The following SLC15A5 variants were observed in gnomAD, a reference collection of about 807,000 sequenced individuals.
SLC15A5 encodes the protein solute carrier family 15 member 5, also known as Peptide/histidine transporter ENSP00000340402.
A neutral mutation model predicts 56.1 loss-of-function variants in SLC15A5; 58 were observed. That is an observed-to-expected ratio of 1.03 (90% CI 0.84 to 1.29). The LOEUF (loss-of-function observed/expected upper bound fraction) is 1.29, where lower values mean the gene tolerates loss of function less well. Among genes scored for constraint, SLC15A5 ranks in the 50% most tolerant of loss-of-function variants. The pLI is 0.00. For synonymous variants in SLC15A5, 264 were observed against 250.5 expected, an observed-to-expected ratio of 1.05 and a Z score of -0.51; for missense variants, 681 against 672.1, an observed-to-expected ratio of 1.01 and a Z score of -0.15.
intron 7 of SLC15A5, among the ~76,000 whole-genome samples, 190 bp from the exon 8 acceptor site, chr12:16,194,643 C>T (rs1863876786): frequency 6.6e-6 from 1 of 151,920 alleles, no homozygotes; most frequent in South Asian, 2.1e-4. Flanking sequence ...GCAAAGCACC[C>T]CAAATATTTT....
intron 2 of SLC15A5, among the ~76,000 whole-genome samples, chr12:16,261,443 T>G (rs947564816): frequency 1.8e-4 from 27 of 152,206 alleles, no homozygotes; most frequent in African/African-American, 6.0e-4. Context: ...CAAGTACTAT[T>G]CCATTATGTA....
At chr12:16,247,827 A>G (rs1282456116) in intron 3 of SLC15A5, among the ~76,000 whole-genome samples, 2 of 152,122 alleles carry the variant, frequency 1.3e-5, no homozygotes, top group Admixed American at 6.6e-5. Flanking sequence ...ATAGAAAACC[A>G]TTAAGAAGTT....
At chr12:16,258,990 C>CTTTTTTTTTTTTTTTTTT (rs35905307) in intron 2 of SLC15A5, among the ~76,000 whole-genome samples, 1 of 118,536 alleles carries the variant, frequency 8.4e-6, no homozygotes, top group Admixed American at 9.5e-5. Context: ...TCTTCTTTTT[C>CTTTTTTTTTTTTTTTTTT]TTTTTTTTTT....
Position 16,189,045 on chromosome 12 carries a change from A to T in SLC15A5, c.*623T>A, listed in dbSNP as rs1863815045. ...TTTAATTCCAATAATTCCATAACTTACATTTATTTTTCAACTTTTTTAGTA... is the reference window on the plus strand; with the variant it reads ...TTTAATTCCAATAATTCCATAACTTTCATTTATTTTTCAACTTTTTTAGTA... On this transcript the variant is annotated 3_prime_UTR_variant, in exon 9 of 9. Transcript: ENST00000344941. The T allele has an allele frequency of 6.6e-6, 1 of 152,044 alleles. No homozygotes were observed. Among genetic ancestry groups the T allele is most frequent in the African/African-American group, 2.4e-5 (1 of 41,406 alleles). The allele number at this position is 152,044 out of a possible 1,614,324, so 9.4% of individuals were successfully genotyped here. A position where few individuals can be genotyped will look rare whatever the true frequency, so the allele number is the denominator to read the frequency against.
At position 16,271,082 on chromosome 12, in the gene SLC15A5, T is replaced by C. The variant is rs1318010616; in HGVS notation, c.584+1479A>G. Among the ~76,000 whole-genome samples, 3 of 152,280 alleles carry C rather than the reference T, an allele frequency of 2.0e-5. No homozygotes were observed. The highest frequency in any genetic ancestry group is 1.5e-5 in the Non-Finnish European group (1 of 68,012). On this transcript the variant is annotated intron_variant, in intron 2 of 8. Transcript: ENST00000344941. This position sits in a 1 kb window ranked among gnomAD's most constrained non-coding sequence, Gnocchi z 8.0. ...AAATATGTTCATCCTAAATTTGGCC[T>C]GGTTCCTTACAGCTGCAGAAATTCA...
chr12:16,218,899 T>TTG (rs1864158322), intron 6 of SLC15A5, among the ~76,000 whole-genome samples: 1 of 152,172 alleles, frequency 6.6e-6, no homozygotes. Flanking sequence ...AAACTCTGCA[T>TTG]TTACCAGAAC....
intron 4 of SLC15A5, among the ~76,000 whole-genome samples, chr12:16,240,580 C>G (rs1381798970): frequency 2.0e-5 from 3 of 151,906 alleles, no homozygotes; most frequent in Non-Finnish European, 4.4e-5. Flanking sequence ...AAAAAAAAAC[C>G]CTGTGCTCCA....
chr12:16,250,839 C>T (rs1276864492), intron 3 of SLC15A5, among the ~76,000 whole-genome samples: 1 of 151,750 alleles, frequency 6.6e-6, no homozygotes, highest in East Asian at 1.9e-4. Flanking sequence ...TTGACCATGA[C>T]TCAAAATGTA....
intron 1 of SLC15A5, among the ~76,000 whole-genome samples, chr12:16,275,984 A>G (rs922266027): frequency 4.0e-5 from 6 of 151,516 alleles, no homozygotes; most frequent in African/African-American, 1.5e-4. Flanking sequence ...TTTCCATCCT[A>G]ACTCATTGCC....
chr12:16,191,763 C>T (rs552256248), intron 8 of SLC15A5, among the ~76,000 whole-genome samples: 1 of 152,202 alleles, frequency 6.6e-6, no homozygotes, highest in African/African-American at 2.4e-5. Context: ...ATCCCAATGG[C>T]CAATAGGTCC....
chr12:16,248,268 C>G (rs1476610674), intron 3 of SLC15A5, among the ~76,000 whole-genome samples: 1 of 151,852 alleles, frequency 6.6e-6, no homozygotes, highest in African/African-American at 2.4e-5. Context: ...GGAGAGAGGT[C>G]AATATAACAT....
In SLC15A5 at chr12:16,189,102, T is replaced by G. The variant is rs1863815584; in HGVS notation, c.*566A>C. Reference sequence around the variant, plus strand: ...CATTCTCTTTGTTAAGGACATCTATTTTAGTAATACTGCTTTTAAATTCAG... The same window carrying G: ...CATTCTCTTTGTTAAGGACATCTATGTTAGTAATACTGCTTTTAAATTCAG... On this transcript the variant is annotated 3_prime_UTR_variant, in exon 9 of 9. Transcript: ENST00000344941. The G allele has an allele frequency of 6.6e-6, 1 of 152,204 alleles. No individual in the cohort carries two copies. The highest frequency in any genetic ancestry group is 2.1e-4 in the South Asian group (1 of 4,836). The allele number at this position is 152,204 out of a possible 1,614,324, so 9.4% of individuals were successfully genotyped here.
chr12:16,204,299 A>G (rs1316098945), intron 7 of SLC15A5, among the ~76,000 whole-genome samples: 1 of 151,948 alleles, frequency 6.6e-6, no homozygotes, highest in Non-Finnish European at 1.5e-5. Flanking sequence ...CTACTAAAAA[A>G]TACAAAAATT....
Position 16,277,660 on chromosome 12 carries a change from G to T in SLC15A5, c.26C>A (p.Thr9Asn). The change falls in exon 1 of 9, where the codon ACT becomes AAT. Residue 9 changes from threonine to asparagine, a missense_variant. Physicochemically the swap from Thr to Asn is moderately conservative, Grantham distance 65 (BLOSUM62 0). Transcript: ENST00000344941. MSVTGFTI[T>N]DEKVHLYHSI... is the part of the protein sequence containing the mutation. ...GTGATATAAGTGTACTTTCTCATCA[G>T]TTATGGTAAAGCCTGTAACAGACAT... 1 of 1,535,100 alleles carries T rather than the reference G, an allele frequency of 6.5e-7. No individual in the cohort carries two copies. Among genetic ancestry groups the T allele is most frequent in the Non-Finnish European group, 8.7e-7 (1 of 1,145,474 alleles).
rs893825532 is a variant in SLC15A5, at chr12:16,237,271, A to C, written c.1162+2410T>G. On this transcript the variant is annotated intron_variant, in intron 5 of 8. Transcript: ENST00000344941. The surrounding 1 kb of genome is among the most constrained non-coding windows in gnomAD (Gnocchi z 4.1). ...CAGAATATGGAAAACTTAAGCAAAT[A>C]TCTAGTTTAAAAGACGCATATCATC... 6.6e-6 allele frequency among the ~76,000 whole-genome samples: 1 copy of C among 152,210 alleles called. No individual in the cohort carries two copies. Among genetic ancestry groups the C allele is most frequent in the Admixed American group, 6.5e-5 (1 of 15,284 alleles).
chr12:16,211,577 A>G (rs542368860), intron 7 of SLC15A5, among the ~76,000 whole-genome samples: 1 of 152,206 alleles, frequency 6.6e-6, no homozygotes, highest in South Asian at 2.1e-4. Flanking sequence ...TTTTTACTGA[A>G]TTCTGTTTTG....
intron 7 of SLC15A5, among the ~76,000 whole-genome samples, chr12:16,212,634 T>G (rs1024107426): frequency 1.4e-4 from 21 of 152,170 alleles, no homozygotes; most frequent in Admixed American, 3.3e-4. Context: ...AGGAGAGGAT[T>G]AATGTGTTGT....
At chr12:16,193,818 A>C (rs1457555176) in intron 8 of SLC15A5, among the ~76,000 whole-genome samples, 1 of 135,122 alleles carries the variant, frequency 7.4e-6, no homozygotes, top group Admixed American at 7.2e-5. Flanking sequence ...AGAGAGAGAG[A>C]GAGAGAGAGA....
chr12:16,192,470 GC>G (rs1863846512), intron 8 of SLC15A5, among the ~76,000 whole-genome samples: 1 of 151,896 alleles, frequency 6.6e-6, no homozygotes, highest in Non-Finnish European at 1.5e-5. Context: ...TGCACTCCAC[GC>G]CACTATTTCT....
Sources: gnomAD v4.1 joint callset for allele counts (sites outside exome capture counted in the v4.1 genomes callset) on GRCh38, gnomAD v4.1.1 for gene constraint, Gnocchi (gnomAD v3.1) non-coding constraint, MANE v1.5 for transcripts, NCBI Gene and HGNC (gene_info 2026-07-23, HGNC 2026-07-21) for gene names.